The following NPEPPS variants were observed in gnomAD, a reference collection of about 807,000 sequenced individuals.
NPEPPS encodes puromycin-sensitive aminopeptidase.
In NPEPPS, 14 loss-of-function variants were observed where a neutral mutation model predicts 115.5. That is an observed-to-expected ratio of 0.12 (90% CI 0.08 to 0.19). The LOEUF (loss-of-function observed/expected upper bound fraction) is 0.19. Ranked by LOEUF, NPEPPS falls within the 10% of genes least tolerant of loss-of-function variation. The probability of loss-of-function intolerance (pLI) is 1.00; values close to 1 mark genes in which losing one functional copy is unlikely to be tolerated. For missense variants in NPEPPS, 523 were observed against 1,110.8 expected (o/e 0.47, Z 7.52); for synonymous variants, 285 against 390.6 (o/e 0.73, Z 3.19).
chr17:47,566,808 C>T (rs1910848060), intron 2 of NPEPPS, among the ~76,000 whole-genome samples: 1 of 152,106 alleles, frequency 6.6e-6, no homozygotes, highest in Admixed American at 6.5e-5. Context: ...GGCATGGTGG[C>T]TCAGCCCTGT....
At position 47,601,450 on chromosome 17, in the gene NPEPPS, T is replaced by C. The variant is rs116531925; in HGVS notation, c.1601-158T>C. Among the ~76,000 whole-genome samples, 899 of 152,294 alleles carry C rather than the reference T, an allele frequency of 5.9e-3. 5 individuals are homozygous for C. Among genetic ancestry groups the C allele is most frequent in the African/African-American group, 0.017 (724 of 41,562 alleles). On this transcript the variant is annotated intron_variant, in intron 14 of 22. Transcript: ENST00000322157. ...TAAATGATCCCTTCCTTTGCACTGA[T>C]ACTATTCAGGTTATCTGGAAGAGTT...
chr17:47,576,715 C>T (rs531068124), intron 3 of NPEPPS, among the ~76,000 whole-genome samples: 8 of 151,876 alleles, frequency 5.3e-5, no homozygotes, highest in Non-Finnish European at 1.0e-4. Context: ...ACTTTATAAA[C>T]GAGCTTGATA....
chr17:47,597,242 C>T (rs1597875433), intron 13 of NPEPPS, among the ~76,000 whole-genome samples: 1 of 152,220 alleles, frequency 6.6e-6, no homozygotes, highest in Non-Finnish European at 1.5e-5. Flanking sequence ...GATTGCAATT[C>T]ATTAATTGAA....
intron 2 of NPEPPS, among the ~76,000 whole-genome samples, chr17:47,547,913 C>G (rs1471370601): frequency 6.6e-6 from 1 of 152,082 alleles, no homozygotes; most frequent in Non-Finnish European, 1.5e-5. Flanking sequence ...GTGGTCCCAG[C>G]TACTCGGGAG....
intron 1 of NPEPPS, among the ~76,000 whole-genome samples, chr17:47,545,252 C>T (rs540659219): frequency 6.6e-6 from 1 of 152,206 alleles, no homozygotes; most frequent in South Asian, 2.1e-4. Flanking sequence ...CTGCCTCAGC[C>T]TCCCAAAGTG....
intron 1 of NPEPPS, among the ~76,000 whole-genome samples, chr17:47,523,788 G>A (rs956524138): frequency 2.0e-5 from 3 of 152,082 alleles, no homozygotes; most frequent in Non-Finnish European, 2.9e-5. Flanking sequence ...TGAGATAAGC[G>A]TGCATTATGC....
At chr17:47,596,582 C>T (rs2143896759) in intron 13 of NPEPPS, 120 bp downstream of exon 13, 1 of 493,608 alleles carries the variant, frequency 2.0e-6, no homozygotes. Flanking sequence ...AGCCCTGTTA[C>T]TCTTTTATCA....
intron 3 of NPEPPS, among the ~76,000 whole-genome samples, chr17:47,578,371 CT>C (rs1208623518): frequency 1.3e-5 from 2 of 152,038 alleles, no homozygotes; most frequent in East Asian, 3.9e-4. Context: ...ACTTCCCATG[CT>C]TTAAATCTTG....
At chr17:47,595,902 A>G (rs971146058) in intron 12 of NPEPPS, among the ~76,000 whole-genome samples, 1 of 151,090 alleles carries the variant, frequency 6.6e-6, no homozygotes, top group African/African-American at 2.4e-5. Context: ...GAATTGCTTG[A>G]ACCTGGGAGG....
At chr17:47,612,339 A>T in intron 17 of NPEPPS, 121 bp from the exon 18 acceptor site, 1 of 917,128 alleles carries the variant, frequency 1.1e-6, no homozygotes, top group East Asian at 2.6e-5. Flanking sequence ...TATTAAGTTA[A>T]TTGAGTGTGT....
At chr17:47,611,459 A>G (rs939559991) in intron 17 of NPEPPS, among the ~76,000 whole-genome samples, 2 of 47,962 alleles carry the variant, frequency 4.2e-5, no homozygotes, top group Non-Finnish European at 5.9e-5. Context: ...ACCACATCTC[A>G]AAAAAAAAAA....
chr17:47,536,386 CTCTT>C (rs1467088890), intron 1 of NPEPPS, among the ~76,000 whole-genome samples: 31 of 126,662 alleles, frequency 2.4e-4, no homozygotes, highest in East Asian at 7.1e-4. Context: ...CATATTTTCT[CTCTT>C]TTTTTTTTTT....
chr17:47,566,083 T>A (rs1910795612), intron 2 of NPEPPS, among the ~76,000 whole-genome samples: 1 of 152,136 alleles, frequency 6.6e-6, no homozygotes, highest in South Asian at 2.1e-4. Context: ...AGCTTCAACC[T>A]CCTAGGCTTC....
chr17:47,617,413 A>AGTG (rs1238051838), intron 19 of NPEPPS, among the ~76,000 whole-genome samples: 2 of 151,970 alleles, frequency 1.3e-5, no homozygotes, highest in African/African-American at 4.8e-5. Flanking sequence ...ACTGGAGTGC[A>AGTG]GTGGTACGAT....
At chr17:47,619,654 C>A in intron 21 of NPEPPS, 83 bp from the exon 22 acceptor site, 1 of 1,132,546 alleles carries the variant, frequency 8.8e-7, no homozygotes, top group Non-Finnish European at 1.3e-6. Flanking sequence ...TGGCAGAGAA[C>A]AGAATGATTT....
At chr17:47,583,777 C>G in intron 5 of NPEPPS, among the ~76,000 whole-genome samples, 1 of 151,792 alleles carries the variant, frequency 6.6e-6, no homozygotes. Context: ...TAAAAGTTAG[C>G]CAGGTATGGT....
At chr17:47,566,956 T>C (rs1213217270) in intron 2 of NPEPPS, among the ~76,000 whole-genome samples, 8 of 152,182 alleles carry the variant, frequency 5.3e-5, no homozygotes, top group Admixed American at 3.9e-4. Flanking sequence ...GCCTCATGCC[T>C]GTAGTCCCCA....
At chr17:47,525,844 G>A (rs1420792838) in intron 1 of NPEPPS, among the ~76,000 whole-genome samples, 2 of 152,124 alleles carry the variant, frequency 1.3e-5, no homozygotes, top group Non-Finnish European at 2.9e-5. Context: ...AGTACTGAGA[G>A]TAATAAAGGA....
intron 2 of NPEPPS, among the ~76,000 whole-genome samples, chr17:47,546,871 T>C (rs1052417891): frequency 2.0e-5 from 3 of 152,158 alleles, no homozygotes; most frequent in Non-Finnish European, 4.4e-5. Flanking sequence ...AAGATTAACT[T>C]ATTTTGTGAT....
Sources: gnomAD v4.1 joint callset for allele counts (sites outside exome capture counted in the v4.1 genomes callset) on GRCh38, gnomAD v4.1.1 for gene constraint, MANE v1.5 for transcripts, NCBI Gene and HGNC (gene_info 2026-07-23, HGNC 2026-07-21) for gene names.